The following HECTD2 variants were observed in gnomAD, a reference collection of about 807,000 sequenced individuals.
The protein encoded by HECTD2 is probable E3 ubiquitin-protein ligase HECTD2.
Under a neutral mutation model 103.2 loss-of-function variants are expected in HECTD2, and 35 were observed. The observed-to-expected ratio is 0.34, with a 90% CI of 0.26 to 0.45. The LOEUF (loss-of-function observed/expected upper bound fraction) is 0.45. Ranked by LOEUF, HECTD2 falls within the 20% of genes least tolerant of loss-of-function variation. HECTD2 has a pLI of 1.00. For missense variants in HECTD2, 596 were observed against 937.4 expected, an observed-to-expected ratio of 0.64 and a Z score of 4.76; for synonymous variants, 281 against 329.9, an observed-to-expected ratio of 0.85 and a Z score of 1.61.
intron 2 of HECTD2, among the ~76,000 whole-genome samples, chr10:91,428,936 G>C (rs1031213031): frequency 2.4e-4 from 37 of 152,004 alleles, no homozygotes; most frequent in African/African-American, 8.9e-4. Context: ...TGGTGAGAGA[G>C]GGCATCCCTG....
rs752583675 is a variant in HECTD2, at chr10:91,484,543, A to T, written c.858A>T (p.Arg286Ser). The T allele has an allele frequency of 3.1e-6, 5 of 1,611,288 alleles. No homozygotes were observed. In the Middle Eastern group the frequency reaches 6.6e-4, roughly 213 times the overall value. ...AGAGGTTCAAACAATTGGTAGAGAG[A>T]TTGCTGCAATTTATTTCTTTACGCC... The part of the protein sequence containing the change: ...SQKRFKQLVE[R>S]LLQFISLRLF... Residue 286 changes from arginine to serine, a missense_variant, in exon 9 of 21, where the codon AGA becomes AGT. This residue lies in a region of HECTD2 where 303 missense variants were observed against 522.5 expected (regional missense o/e 0.58). Coordinates refer to ENST00000298068, the MANE Select transcript of HECTD2 (RefSeq NM_182765.6).
chr10:91,448,892 A>G lies in HECTD2; in HGVS notation c.269-11535A>G, dbSNP rs369468108. Among the ~76,000 whole-genome samples the G allele has an allele frequency of 2.2e-4, 18 of 80,354 alleles. No homozygotes were observed. In the East Asian group the frequency reaches 4.4e-3, roughly 20 times the overall value. 52.7% of individuals were successfully genotyped at this position (80,354 alleles called of 152,430 possible). On this transcript the variant is annotated intron_variant, in intron 2 of 20. Transcript: ENST00000298068. ...AAATGGAGGCAGTAATTAATAGCCT[A>G]CCAACCAAAAAAAGCCCAGGACCAG...
intron 2 of HECTD2, among the ~76,000 whole-genome samples, chr10:91,435,967 T>C (rs928092470): frequency 6.6e-6 from 1 of 151,988 alleles, no homozygotes; most frequent in African/African-American, 2.4e-5. Flanking sequence ...ATTGAGTATC[T>C]TACTTCTGCT....
Position 91,462,110 on chromosome 10 carries a change from T to C in HECTD2, c.526T>C (p.Ser176Pro). 6.3e-7 allele frequency: 1 copy of C among 1,590,752 alleles called. No homozygotes were observed. The highest frequency in any genetic ancestry group is 8.6e-7 in the Non-Finnish European group (1 of 1,162,430). Residue 176 changes from serine (S) to proline (P), a missense_variant, in exon 5 of 21, where the codon TCA (serine) becomes CCA (proline). Ser to Pro is a moderately conservative substitution (Grantham distance 74). Around this residue, in one of 4 missense-constraint regions of HECTD2, gnomAD observed 220 missense variants for 233.9 expected, o/e 0.94. Transcript: ENST00000298068. The part of the protein sequence containing the change: ...NAAFKKDATA[S>P]FNTIEDSGIN... ...GAATTTGCAGAAAGATGCCACTGCC[T>C]CATTTAACACCATTGAAGACTCTGG...
intron 10 of HECTD2, chr10:91,485,844 ATTTCT>A (rs1313606601): frequency 6.6e-6 from 1 of 152,080 alleles, no homozygotes; most frequent in Non-Finnish European, 1.5e-5. Flanking sequence ...TTCATTTCTC[ATTTCT>A]TTTGTAAGAA....
intron 11 of HECTD2, chr10:91,489,888 AT>A (rs1846402579): frequency 6.6e-6 from 1 of 152,218 alleles, no homozygotes; most frequent in South Asian, 2.1e-4. Context: ...TGTATTTAAA[AT>A]GTCTGAAATG....
At chr10:91,494,138 A>G (rs1846577860) in intron 14 of HECTD2, among the ~76,000 whole-genome samples, 1 of 151,864 alleles carries the variant, frequency 6.6e-6, no homozygotes, top group Non-Finnish European at 1.5e-5. Flanking sequence ...AAGAAATGTA[A>G]TTGTTTGTGG....
At chr10:91,503,163 T>A (rs1846973291) in intron 20 of HECTD2, among the ~76,000 whole-genome samples, 1 of 152,184 alleles carries the variant, frequency 6.6e-6, no homozygotes, top group African/African-American at 2.4e-5. Flanking sequence ...GAAAAAATGC[T>A]CAACATCACT....
chr10:91,464,692 C>A, intron 5 of HECTD2: 1 of 155,274 alleles, frequency 6.4e-6, no homozygotes, highest in South Asian at 1.9e-4. Flanking sequence ...TGGATGCCAT[C>A]ATAACATGCT....
intron 1 of HECTD2, among the ~76,000 whole-genome samples, chr10:91,416,561 A>C (rs910740785): frequency 6.9e-6 from 1 of 145,136 alleles, no homozygotes; most frequent in African/African-American, 2.9e-5. Context: ...AAGCTGTACT[A>C]TCTAGATTTG....
intron 1 of HECTD2, among the ~76,000 whole-genome samples, chr10:91,417,212 G>A (rs1843162357): frequency 6.6e-6 from 1 of 151,958 alleles, no homozygotes; most frequent in South Asian, 2.1e-4. Context: ...TGTTATACTG[G>A]TGAGCTATAT....
Position 91,501,167 on chromosome 10 carries a change from T to TACC in HECTD2, c.2067-24_2067-23insACC. On this transcript the variant is annotated intron_variant, in intron 19 of 20. Coordinates refer to ENST00000298068, the MANE Select transcript of HECTD2 (RefSeq NM_182765.6). ...AGGATTTTTGTCAAGACATTTGATG[T>TACC]TAATTTCCTTTGGTATTCTCTAGAT... 3 of 1,597,948 alleles carry TACC rather than the reference T, an allele frequency of 1.9e-6. No individual in the cohort carries two copies. In the Admixed American group the frequency reaches 5.2e-5, roughly 28 times the overall value.
chr10:91,480,312 T>C (rs1244022389), intron 6 of HECTD2, among the ~76,000 whole-genome samples: 1 of 152,128 alleles, frequency 6.6e-6, no homozygotes, highest in Non-Finnish European at 1.5e-5. Flanking sequence ...CTTGGAGGAA[T>C]AGGTGATATA....
intron 1 of HECTD2, among the ~76,000 whole-genome samples, chr10:91,420,196 G>A (rs1284570361): frequency 6.6e-6 from 1 of 151,240 alleles, no homozygotes; most frequent in Non-Finnish European, 1.5e-5. Context: ...CAAGTATAAC[G>A]TGTCAAGAGC....
At chr10:91,473,772 G>A (rs1019597078) in intron 5 of HECTD2, among the ~76,000 whole-genome samples, 7 of 152,102 alleles carry the variant, frequency 4.6e-5, no homozygotes, top group African/African-American at 1.7e-4. Context: ...AGAATTCAGT[G>A]TATAATACAT....
At chr10:91,411,206 G>C (rs1842905490) in intron 1 of HECTD2, among the ~76,000 whole-genome samples, 1 of 152,170 alleles carries the variant, frequency 6.6e-6, no homozygotes, top group African/African-American at 2.4e-5. Context: ...TGACAGGGAT[G>C]ATTTCCCAGC....
chr10:91,439,241 G>A (rs1443653720), intron 2 of HECTD2, among the ~76,000 whole-genome samples: 2 of 152,002 alleles, frequency 1.3e-5, no homozygotes, highest in African/African-American at 4.8e-5. Flanking sequence ...TTCATCTTGA[G>A]TTAATTTTTG....
chr10:91,452,450 T>G (rs1044637005), intron 2 of HECTD2, among the ~76,000 whole-genome samples: 11 of 152,056 alleles, frequency 7.2e-5, no homozygotes, highest in Admixed American at 7.2e-4. Flanking sequence ...CCAAAATTCA[T>G]GTTGAAATAT....
At chr10:91,507,566 G>C (rs1005696077) in intron 20 of HECTD2, among the ~76,000 whole-genome samples, 7 of 152,036 alleles carry the variant, frequency 4.6e-5, no homozygotes, top group African/African-American at 1.4e-4. Context: ...ACTTACAAGG[G>C]ATGTGAAGGA....
Sources: allele counts gnomAD v4.1 joint callset (sites outside exome capture counted in the v4.1 genomes callset), GRCh38; gene constraint gnomAD v4.1.1; regional missense constraint gnomAD v4.1.1; transcripts MANE v1.5; gene names NCBI Gene and HGNC (gene_info 2026-07-23, HGNC 2026-07-21).